The following ELF2 variants were observed in gnomAD, a reference collection of about 807,000 sequenced individuals.
The protein encoded by ELF2 is ETS-related transcription factor Elf-2.
A neutral mutation model predicts 54.8 loss-of-function variants in ELF2; 11 were observed. The ratio of observed to expected loss-of-function variants is 0.20; its 90% CI spans 0.13 to 0.33. The LOEUF is 0.33. Ranked by LOEUF, ELF2 falls within the 10% of genes least tolerant of loss-of-function variation. ELF2 has a pLI of 1.00. For synonymous variants in ELF2, 203 were observed against 245.1 expected, an observed-to-expected ratio of 0.83 and a Z score of 1.61; for missense variants, 513 against 703.0, an observed-to-expected ratio of 0.73 and a Z score of 3.06.
intron 1 of ELF2, among the ~76,000 whole-genome samples, chr4:139,170,448 G>C (rs1363175693): frequency 3.3e-5 from 5 of 151,274 alleles, no homozygotes; most frequent in Non-Finnish European, 5.9e-5. Context: ...ATTTTTAGTA[G>C]AGATGGGGTT....
intron 5 of ELF2, 72 bp from the exon 6 acceptor site, chr4:139,072,111 T>G: frequency 6.9e-7 from 1 of 1,446,168 alleles, no homozygotes; most frequent in East Asian, 2.3e-5. Flanking sequence ...GTTCAATATT[T>G]AGAAGAGGCG....
In ELF2 at chr4:139,099,189, A is replaced by C. The variant is rs768743166; in HGVS notation, c.239-25622T>G. 3.2e-4 allele frequency among the ~76,000 whole-genome samples: 48 copies of C among 152,230 alleles called. 1 individual carries two copies. Among genetic ancestry groups the C allele is most frequent in the Non-Finnish European group, 5.7e-4 (39 of 68,038 alleles). ...ACTGTACCTTTACCTGTCTAGCCTT[A>C]TCTCTCAACCATACCTGTCTATATA... On this transcript the variant is annotated intron_variant, in intron 4 of 9. Coordinates refer to ENST00000686138, the MANE Select transcript of ELF2 (RefSeq NM_001331036.3).
intron 1 of ELF2, among the ~76,000 whole-genome samples, chr4:139,156,191 C>A (rs575217282): frequency 1.3e-5 from 2 of 151,078 alleles, no homozygotes; most frequent in Non-Finnish European, 2.9e-5. Flanking sequence ...GGGGAGTCGT[C>A]GGGGGACGGA....
Position 139,174,222 on chromosome 4 carries a change from AG to A in ELF2, c.-252+2744del, listed in dbSNP as rs201898146. On this transcript the variant is annotated intron_variant, in intron 1 of 9. Transcript: ENST00000686138. Reference sequence around the variant, plus strand: ...ACTCCATCTTAAAAAAAAAAAAAAAAGAAAGAAAGAAAATAGATTTTAAAAA... The same window carrying A: ...ACTCCATCTTAAAAAAAAAAAAAAAAAAAGAAAGAAAATAGATTTTAAAAA... Among the ~76,000 whole-genome samples, 530 of 145,198 alleles carry A rather than the reference AG, an allele frequency of 3.7e-3. 29 individuals carry two copies. Among genetic ancestry groups the A allele is most frequent in the African/African-American group, 0.01 (402 of 39,366 alleles).
chr4:139,096,060 G>A lies in ELF2; in HGVS notation c.239-22493C>T, dbSNP rs533384086. ...CGGGAGGTGGAGGTTGCAGTGAGCC[G>A]AGATCACGCCACTGCACTCCAGCCT... is the stretch of plus-strand genomic sequence containing the variant. On this transcript the variant is annotated intron_variant, in intron 4 of 9. Coordinates refer to ENST00000686138, the MANE Select transcript of ELF2 (RefSeq NM_001331036.3). 3.2e-4 allele frequency among the ~76,000 whole-genome samples: 49 copies of A among 152,162 alleles called. No individual in the cohort carries two copies. In the South Asian group the frequency reaches 9.3e-3, roughly 29 times the overall value.
intron 4 of ELF2, among the ~76,000 whole-genome samples, chr4:139,080,436 G>A (rs925387014): frequency 6.6e-6 from 1 of 151,604 alleles, no homozygotes; most frequent in South Asian, 2.1e-4. Flanking sequence ...CCAATTTATA[G>A]TAAATCAGAA....
rs551559674 is a variant in ELF2, at chr4:139,124,381, C to G, written c.238+783G>C. Among the ~76,000 whole-genome samples the G allele has an allele frequency of 5.9e-5, 9 of 152,220 alleles. No homozygotes were observed. The South Asian group carries it at 1.7e-3, about 28-fold the overall frequency. Reference sequence around the variant, plus strand: ...CTCATAAGAAGAAATACATCACATACTCAAAATTTTAATCATGAAAGTTTC... The same window carrying G: ...CTCATAAGAAGAAATACATCACATAGTCAAAATTTTAATCATGAAAGTTTC... On this transcript the variant is annotated intron_variant, in intron 4 of 9. Transcript: ENST00000686138.
chr4:139,072,261 T>C, intron 5 of ELF2: 1 of 466,496 alleles, frequency 2.1e-6, no homozygotes, highest in South Asian at 2.6e-5. Flanking sequence ...GTTAATCCTC[T>C]GGGTAAGGCA....
intron 4 of ELF2, among the ~76,000 whole-genome samples, chr4:139,102,715 C>T (rs1212654075): frequency 1.3e-5 from 2 of 151,124 alleles, no homozygotes; most frequent in Non-Finnish European, 2.9e-5. Flanking sequence ...GTGGCGGGCA[C>T]CTGTAATCCC....
intron 1 of ELF2, among the ~76,000 whole-genome samples, chr4:139,150,146 C>T (rs957828682): frequency 6.6e-6 from 1 of 152,112 alleles, no homozygotes; most frequent in Non-Finnish European, 1.5e-5. Flanking sequence ...TCGAGACCAG[C>T]CTGGCCAACA....
chr4:139,176,861 C>G (rs1743003210), intron 1 of ELF2, 106 bp downstream of exon 1: 1 of 152,260 alleles, frequency 6.6e-6, no homozygotes, highest in Non-Finnish European at 1.5e-5. Flanking sequence ...ACAACACAAG[C>G]GCGGGGCGGG....
At position 139,131,433 on chromosome 4, in the gene ELF2, T is replaced by A. The variant is rs145133890; in HGVS notation, c.73-6104A>T. On this transcript the variant is annotated intron_variant, in intron 3 of 9. Transcript: ENST00000686138. ...GCTTTTATATGCACTCAGTCATTGC[T>A]CTCCAGGTATCAGAAGTTTCCAAAG... 9.8e-3 allele frequency among the ~76,000 whole-genome samples: 1,495 copies of A among 152,306 alleles called. 12 individuals are homozygous for A. Among genetic ancestry groups the A allele is most frequent in the Non-Finnish European group, 0.015 (993 of 68,020 alleles).
At chr4:139,151,031 AAAAAGAAAG>A (rs1560870953) in intron 1 of ELF2, among the ~76,000 whole-genome samples, 1 of 118,340 alleles carries the variant, frequency 8.5e-6, no homozygotes, top group Non-Finnish European at 1.8e-5. Flanking sequence ...CTCAAAAAAA[AAAAAGAAAG>A]AAAGAAAGAA....
intron 4 of ELF2, among the ~76,000 whole-genome samples, chr4:139,105,296 T>C (rs1007534676): frequency 6.6e-6 from 1 of 152,192 alleles, no homozygotes; most frequent in African/African-American, 2.4e-5. Flanking sequence ...GTCCACTAGA[T>C]TCTAAGTACC....
chr4:139,096,230 T>C (rs1221987330), intron 4 of ELF2, among the ~76,000 whole-genome samples: 1 of 152,220 alleles, frequency 6.6e-6, no homozygotes, highest in Non-Finnish European at 1.5e-5. Flanking sequence ...ATAAAATGAG[T>C]TGGAAAGCTT....
At chr4:139,095,987 C>T (rs772171964) in intron 4 of ELF2, among the ~76,000 whole-genome samples, 12 of 151,922 alleles carry the variant, frequency 7.9e-5, no homozygotes, top group Admixed American at 5.2e-4. Context: ...GGCATATGCC[C>T]GTAATCCCAG....
chr4:139,089,373 C>A (rs1008964254), intron 4 of ELF2, among the ~76,000 whole-genome samples: 5 of 152,156 alleles, frequency 3.3e-5, no homozygotes, highest in African/African-American at 1.2e-4. Context: ...TCAACCAGAA[C>A]CTGCAACTAC....
chr4:139,080,483 T>TA (rs1296888027), intron 4 of ELF2, among the ~76,000 whole-genome samples: 3 of 152,192 alleles, frequency 2.0e-5, no homozygotes, highest in Non-Finnish European at 4.4e-5. Flanking sequence ...TTTAATAAAA[T>TA]AGATTTGTTT....
intron 5 of ELF2, 31 bp downstream of exon 5, chr4:139,073,423 C>T (rs182423019): frequency 8.8e-6 from 13 of 1,475,234 alleles, no homozygotes; most frequent in Middle Eastern, 1.8e-4. Context: ...TAGTATGACA[C>T]GTTTAACATA....
Sources: allele counts gnomAD v4.1 joint callset (sites outside exome capture counted in the v4.1 genomes callset), GRCh38; gene constraint gnomAD v4.1.1; transcripts MANE v1.5; gene names NCBI Gene and HGNC (gene_info 2026-07-23, HGNC 2026-07-21).